Variants in WWOX observed in about 807,000 individuals in gnomAD.
The protein encoded by WWOX is WW domain containing oxidoreductase.
In WWOX, 69 loss-of-function variants were observed where a neutral mutation model predicts 46.2. The observed-to-expected ratio is 1.49, with a 90% CI of 1.23 to 1.82. The LOEUF (loss-of-function observed/expected upper bound fraction) is 1.82, where lower values mean the gene tolerates loss of function less well. Ranked by LOEUF, WWOX falls within the 40% of genes most tolerant of loss-of-function variation. The pLI, the probability that WWOX is intolerant of heterozygous loss-of-function variation, is 0.00. For synonymous variants in WWOX, 359 were observed against 202.6 expected, an observed-to-expected ratio of 1.77 and a Z score of -6.56; for missense variants, 919 against 542.6, an observed-to-expected ratio of 1.69 and a Z score of -6.89.
At chr16:78,131,094 TAC>T (rs1168224096) in intron 4 of WWOX, among the ~76,000 whole-genome samples, 1 of 152,172 alleles carries the variant, frequency 6.6e-6, no homozygotes, top group African/African-American at 2.4e-5. Context: ...ACAGTAAAAA[TAC>T]AGTGTTGTAA....
intron 8 of WWOX, among the ~76,000 whole-genome samples, chr16:78,926,574 C>G (rs1260654529): frequency 2.6e-5 from 4 of 152,164 alleles, no homozygotes; most frequent in East Asian, 1.9e-4. Flanking sequence ...CAGACGTACA[C>G]TTCTTTGCTG....
At chr16:78,633,615 C>T (rs2046493518) in intron 8 of WWOX, among the ~76,000 whole-genome samples, 1 of 152,192 alleles carries the variant, frequency 6.6e-6, no homozygotes, top group African/African-American at 2.4e-5. Context: ...CTACAAAGGT[C>T]TCCTCCTTTT....
intron 8 of WWOX, among the ~76,000 whole-genome samples, chr16:78,578,623 G>A (rs756099170): frequency 7.9e-5 from 12 of 151,892 alleles, no homozygotes; most frequent in African/African-American, 1.7e-4. Context: ...ATACACACAC[G>A]CACACACCAA....
intron 5 of WWOX, among the ~76,000 whole-genome samples, chr16:78,261,815 T>C (rs1286427721): frequency 2.7e-5 from 4 of 146,704 alleles, no homozygotes; most frequent in South Asian, 4.3e-4. Context: ...TATATATATA[T>C]ATACTTATAA....
At chr16:78,731,373 A>T (rs1284878122) in intron 8 of WWOX, among the ~76,000 whole-genome samples, 1 of 152,114 alleles carries the variant, frequency 6.6e-6, no homozygotes, top group East Asian at 1.9e-4. Context: ...AGATTGCATG[A>T]CTTCAAAGAT....
intron 6 of WWOX, among the ~76,000 whole-genome samples, chr16:78,423,251 CTG>C (rs1214955757): frequency 2.0e-5 from 3 of 152,036 alleles, no homozygotes; most frequent in Non-Finnish European, 4.4e-5. Context: ...CTGTGTGTGT[CTG>C]TGTCTGATAA....
rs76337045 is a variant in WWOX, at chr16:79,011,211, C to T, written c.1057-200397C>T. On this transcript the variant is annotated intron_variant, in intron 8 of 8. Coordinates refer to ENST00000566780, the MANE Select transcript of WWOX (RefSeq NM_016373.4). ...CATTGAAAAGTTGCAGACATCATCACGGCTCACCCTGAAATTCCTTAGCAG... is the reference window on the plus strand; with the variant it reads ...CATTGAAAAGTTGCAGACATCATCATGGCTCACCCTGAAATTCCTTAGCAG... Among the ~76,000 whole-genome samples the T allele has an allele frequency of 6.7e-3, 1,017 of 151,392 alleles. 15 individuals carry two copies. The highest frequency in any genetic ancestry group is 0.024 in the African/African-American group (971 of 41,254).
intron 8 of WWOX, among the ~76,000 whole-genome samples, chr16:78,907,016 C>T (rs1028521432): frequency 3.3e-5 from 5 of 152,278 alleles, no homozygotes; most frequent in South Asian, 2.1e-4. Context: ...TTTATCTAGA[C>T]AGGGGAATTG....
At chr16:78,922,626 A>T (rs1214382280) in intron 8 of WWOX, among the ~76,000 whole-genome samples, 7 of 152,082 alleles carry the variant, frequency 4.6e-5, no homozygotes, top group Admixed American at 4.6e-4. Flanking sequence ...TGATCCCCTC[A>T]CCTTGGCCTC....
intron 8 of WWOX, among the ~76,000 whole-genome samples, chr16:78,460,915 A>T (rs571803545): frequency 6.6e-5 from 10 of 152,364 alleles, no homozygotes; most frequent in African/African-American, 2.2e-4. Flanking sequence ...TTCTGAAGAA[A>T]TAGGCCCTCC....
intron 8 of WWOX, among the ~76,000 whole-genome samples, chr16:78,612,398 G>A (rs892825743): frequency 2.6e-5 from 4 of 152,244 alleles, no homozygotes; most frequent in African/African-American, 7.2e-5. Flanking sequence ...GCAGCGTGGC[G>A]TAGGCCTCAG....
intron 8 of WWOX, among the ~76,000 whole-genome samples, chr16:78,682,979 C>T (rs898445423): frequency 7.9e-5 from 12 of 152,112 alleles, no homozygotes; most frequent in Non-Finnish European, 1.6e-4. Context: ...GTGAGGATAA[C>T]ACTTCTAAGA....
At position 78,992,606 on chromosome 16, in the gene WWOX, G is replaced by A. The variant is rs1419533075; in HGVS notation, c.1057-219002G>A. Reference sequence around the variant, plus strand: ...TCTCTCAGAATGAAAGGTTTGATTCGTACCAGCTCCCCATCCCTTCCCATG... The same window carrying A: ...TCTCTCAGAATGAAAGGTTTGATTCATACCAGCTCCCCATCCCTTCCCATG... On this transcript the variant is annotated intron_variant, in intron 8 of 8. Coordinates refer to ENST00000566780, the MANE Select transcript of WWOX (RefSeq NM_016373.4). 3.3e-5 allele frequency among the ~76,000 whole-genome samples: 5 copies of A among 152,114 alleles called. No individual in the cohort carries two copies. In the East Asian group the frequency reaches 9.6e-4, roughly 29 times the overall value.
chr16:78,171,208 G>A lies in WWOX; in HGVS notation c.516+6919G>A, dbSNP rs189720654. Among the ~76,000 whole-genome samples the A allele has an allele frequency of 3.0e-4, 45 of 152,214 alleles. No individual in the cohort carries two copies. In the East Asian group the frequency reaches 6.9e-3, roughly 23 times the overall value. ...TGTTGTTGTTGTTGTTTTCCCTGCCGGGAAACTGCCGCATCCTGTGTTTTC... is the reference window on the plus strand; with the variant it reads ...TGTTGTTGTTGTTGTTTTCCCTGCCAGGAAACTGCCGCATCCTGTGTTTTC... On this transcript the variant is annotated intron_variant, in intron 5 of 8. Coordinates refer to ENST00000566780, the MANE Select transcript of WWOX (RefSeq NM_016373.4).
chr16:78,610,399 TTTC>T (rs901944184), intron 8 of WWOX, among the ~76,000 whole-genome samples: 9 of 152,198 alleles, frequency 5.9e-5, no homozygotes, highest in South Asian at 2.1e-4. Context: ...GAGATAACTA[TTTC>T]TTCTTCTATC....
intron 8 of WWOX, among the ~76,000 whole-genome samples, chr16:78,629,451 G>C (rs2046379092): frequency 6.6e-6 from 1 of 152,142 alleles, no homozygotes; most frequent in Non-Finnish European, 1.5e-5. Context: ...GCAGAAGCTG[G>C]AGTCATTTCT....
At chr16:78,687,329 T>C (rs1032913327) in intron 8 of WWOX, among the ~76,000 whole-genome samples, 2 of 152,348 alleles carry the variant, frequency 1.3e-5, no homozygotes, top group Middle Eastern at 3.4e-3. Flanking sequence ...CATTTTAGAT[T>C]AAAGCATTGT....
Position 79,060,551 on chromosome 16 carries a change from G to C in WWOX, c.1057-151057G>C, listed in dbSNP as rs531359324. 3.9e-5 allele frequency among the ~76,000 whole-genome samples: 6 copies of C among 152,362 alleles called. No homozygotes were observed. The South Asian group carries it at 1.2e-3, about 32-fold the overall frequency. On this transcript the variant is annotated intron_variant, in intron 8 of 8. Coordinates refer to ENST00000566780, the MANE Select transcript of WWOX (RefSeq NM_016373.4). ...AGCACTGACTGGTGATGAATAGCAA[G>C]ATTGCTCCCTTCTAAGGGCTTGGCA... is the stretch of plus-strand genomic sequence containing the variant.
intron 8 of WWOX, among the ~76,000 whole-genome samples, chr16:78,722,002 A>C (rs886703794): frequency 6.6e-6 from 1 of 152,204 alleles, no homozygotes; most frequent in South Asian, 2.1e-4. Context: ...GCATCCAGGC[A>C]CTTTCTTTTT....
Sources: gnomAD v4.1 joint callset for allele counts (sites outside exome capture counted in the v4.1 genomes callset) on GRCh38, gnomAD v4.1.1 for gene constraint, MANE v1.5 for transcripts, NCBI Gene and HGNC (gene_info 2026-07-23, HGNC 2026-07-21) for gene names.